The following NRXN3 variants were observed in gnomAD, a reference collection of about 807,000 sequenced individuals.
NRXN3 encodes the protein neurexin 3, also known as neurexin III.
NRXN3 carries 32 observed loss-of-function variants against 137.6 expected under a neutral mutation model. That is an observed-to-expected ratio of 0.23 (90% CI 0.18 to 0.31). The LOEUF (loss-of-function observed/expected upper bound fraction) is 0.31, where lower values mean the gene tolerates loss of function less well. Ranked by LOEUF, NRXN3 falls within the 10% of genes least tolerant of loss-of-function variation. The pLI is 1.00. For synonymous variants in NRXN3, 798 were observed against 784.5 expected, an observed-to-expected ratio of 1.02 and a Z score of -0.29; for missense variants, 1,574 against 2,062.5, an observed-to-expected ratio of 0.76 and a Z score of 4.59.
intron 2 of NRXN3, among the ~76,000 whole-genome samples, chr14:78,274,119 T>C (rs771887426): frequency 2.0e-5 from 3 of 152,220 alleles, no homozygotes; most frequent in Non-Finnish European, 4.4e-5. Flanking sequence ...GTGGGAGGAC[T>C]ACCCCGGCTG....
chr14:79,581,731 A>G (rs75222681), intron 16 of NRXN3, among the ~76,000 whole-genome samples: 6,184 of 152,190 alleles, frequency 0.041, 146 homozygotes, highest in Middle Eastern at 0.11. Context: ...TACTAACTGG[A>G]TGGTTAGTTT....
At chr14:78,575,904 AT>A (rs2096931516) in intron 4 of NRXN3, among the ~76,000 whole-genome samples, 1 of 152,334 alleles carries the variant, frequency 6.6e-6, no homozygotes, top group Admixed American at 6.5e-5. Flanking sequence ...TTGTACCCCA[AT>A]TAACAGTGAC....
intron 4 of NRXN3, among the ~76,000 whole-genome samples, chr14:78,303,007 A>G (rs944210760): frequency 1.3e-5 from 2 of 152,148 alleles, no homozygotes; most frequent in Admixed American, 6.5e-5. Context: ...CGGCCCACAA[A>G]TGGAGTGCAG....
intron 10 of NRXN3, among the ~76,000 whole-genome samples, chr14:78,924,346 C>T (rs137904793): frequency 6.6e-6 from 1 of 152,246 alleles, no homozygotes; most frequent in East Asian, 1.9e-4. Flanking sequence ...TGTGCAAACC[C>T]GATAACACCC....
At chr14:79,456,168 G>C (rs1469210983) in intron 15 of NRXN3, among the ~76,000 whole-genome samples, 2 of 152,120 alleles carry the variant, frequency 1.3e-5, no homozygotes, top group East Asian at 3.8e-4. Flanking sequence ...TTGTCAACAA[G>C]AATATTATCA....
chr14:79,777,932 A>G (rs1251846249), intron 19 of NRXN3, among the ~76,000 whole-genome samples: 1 of 144,034 alleles, frequency 6.9e-6, no homozygotes, highest in African/African-American at 2.5e-5. Flanking sequence ...GATTTTACAG[A>G]AAAAAAAAAA....
chr14:79,746,616 C>T (rs1194829430), intron 19 of NRXN3, among the ~76,000 whole-genome samples: 1 of 152,048 alleles, frequency 6.6e-6, no homozygotes, highest in Non-Finnish European at 1.5e-5. Context: ...TCATATGGTC[C>T]ACTGTAGTTT....
intron 10 of NRXN3, among the ~76,000 whole-genome samples, chr14:78,874,634 T>A (rs896868420): frequency 6.6e-6 from 1 of 152,146 alleles, no homozygotes; most frequent in Non-Finnish European, 1.5e-5. Context: ...GTTGGCAGAG[T>A]GTCTTCCTTC....
chr14:79,341,881 C>A lies in NRXN3; in HGVS notation c.3263-125340C>A, dbSNP rs192774044. Among the ~76,000 whole-genome samples, 81 of 152,154 alleles carry A rather than the reference C, an allele frequency of 5.3e-4. 1 individual carries two copies. The highest frequency in any genetic ancestry group is 1.8e-3 in the African/African-American group (75 of 41,500). On this transcript the variant is annotated intron_variant, in intron 15 of 20. Transcript: ENST00000335750. ...CAAAACAAAGCAAAAAGGGCAATGC[C>A]GTGATCAATTGCAAGTCAGAGTTAA...
At chr14:79,316,756 C>G (rs1231726500) in intron 15 of NRXN3, among the ~76,000 whole-genome samples, 1 of 151,882 alleles carries the variant, frequency 6.6e-6, no homozygotes, top group African/African-American at 2.4e-5. Flanking sequence ...CTCTCTCTCT[C>G]TCTCTCTATT....
chr14:79,065,732 A>G (rs1417140925), intron 15 of NRXN3, among the ~76,000 whole-genome samples: 1 of 151,944 alleles, frequency 6.6e-6, no homozygotes, highest in Non-Finnish European at 1.5e-5. Flanking sequence ...AGTCACCCCA[A>G]TCTCGGCCTT....
chr14:78,546,743 A>G (rs1203907706), intron 4 of NRXN3, among the ~76,000 whole-genome samples: 1 of 152,194 alleles, frequency 6.6e-6, no homozygotes. Context: ...TACTGCTGCT[A>G]TGTGGTAAGC....
chr14:79,168,802 T>A (rs1011550419), intron 15 of NRXN3, among the ~76,000 whole-genome samples: 9 of 152,102 alleles, frequency 5.9e-5, no homozygotes, highest in Non-Finnish European at 1.3e-4. Flanking sequence ...CCACTTATGT[T>A]TCTGTATGTG....
intron 8 of NRXN3, among the ~76,000 whole-genome samples, chr14:78,731,088 A>T (rs1459289738): frequency 6.7e-6 from 1 of 150,152 alleles, no homozygotes; most frequent in African/African-American, 2.5e-5. Flanking sequence ...TTTTTTTCTT[A>T]TGTGGAGAAC....
At chr14:79,051,401 G>A (rs923129536) in intron 15 of NRXN3, among the ~76,000 whole-genome samples, 1 of 152,148 alleles carries the variant, frequency 6.6e-6, no homozygotes, top group Non-Finnish European at 1.5e-5. Context: ...TGAGGCAGGC[G>A]GTGTTAAAGG....
chr14:79,131,490 GGGGGTCA>G (rs2057468174), intron 15 of NRXN3, among the ~76,000 whole-genome samples: 1 of 152,206 alleles, frequency 6.6e-6, no homozygotes, highest in South Asian at 2.1e-4. Flanking sequence ...TAGGCTGCTT[GGGGGTCA>G]GGGGTCAGGG....
chr14:79,814,019 C>T (rs1452701678), intron 20 of NRXN3, among the ~76,000 whole-genome samples: 2 of 152,206 alleles, frequency 1.3e-5, no homozygotes, highest in African/African-American at 4.8e-5. Flanking sequence ...ATCAACTAAC[C>T]ATGGCCTCCA....
chr14:79,822,936 A>C (rs992506237), intron 20 of NRXN3, among the ~76,000 whole-genome samples: 2 of 152,206 alleles, frequency 1.3e-5, no homozygotes, highest in African/African-American at 4.8e-5. Flanking sequence ...ACTGTGTGGA[A>C]AGATAATTCA....
chr14:78,817,119 C>T (rs1300911309), intron 10 of NRXN3, among the ~76,000 whole-genome samples: 2 of 152,154 alleles, frequency 1.3e-5, no homozygotes, highest in African/African-American at 4.8e-5. Flanking sequence ...GTTGGGATCT[C>T]AGCACAGACA....
Sources: gnomAD v4.1 joint callset for allele counts (sites outside exome capture counted in the v4.1 genomes callset) on GRCh38, gnomAD v4.1.1 for gene constraint, MANE v1.5 for transcripts, NCBI Gene and HGNC (gene_info 2026-07-23, HGNC 2026-07-21) for gene names.